THSD7A: variants seen among roughly 807,000 people sequenced by gnomAD.
THSD7A encodes the protein thrombospondin type-1 domain-containing protein 7A.
In THSD7A, 96 loss-of-function variants were observed where a neutral mutation model predicts 231.3. The observed-to-expected ratio is 0.41, with a 90% confidence interval of 0.35 to 0.49. The LOEUF is 0.49. THSD7A is among the 20% of genes least tolerant of loss of function. The pLI, the probability that THSD7A is intolerant of heterozygous loss-of-function variation, is 0.05. For missense variants in THSD7A, 2,290 were observed against 2,070.2 expected, an observed-to-expected ratio of 1.11 and a Z score of -2.06; for synonymous variants, 940 against 743.3, an observed-to-expected ratio of 1.26 and a Z score of -4.30.
At chr7:11,489,129 T>A (rs1007036485) in intron 6 of THSD7A, among the ~76,000 whole-genome samples, 5 of 152,154 alleles carry the variant, frequency 3.3e-5, no homozygotes, top group African/African-American at 9.6e-5. Flanking sequence ...ATTCAGTATC[T>A]TTTAGTCCTT....
rs138319254 is a variant in THSD7A, at chr7:11,820,491, T to C, written c.190+11266A>G. 3.1e-4 allele frequency: 314 copies of C among 1,005,292 alleles called. 1 individual carries two copies. The African/African-American group carries it at 4.5e-3, about 14-fold the overall frequency. The allele number at this position is 1,005,292 out of a possible 1,614,324, so 62.3% of individuals were successfully genotyped here. A position where few individuals can be genotyped will look rare whatever the true frequency, so the allele number is the denominator to read the frequency against. Reference sequence around the variant, plus strand: ...CCGGAGGTCATCATGCAAGTAATACTTCTTGCTTTTGGGTGTGTAATCTAG... The same window carrying C: ...CCGGAGGTCATCATGCAAGTAATACCTCTTGCTTTTGGGTGTGTAATCTAG... On this transcript the variant is annotated intron_variant, in intron 1 of 27. Coordinates refer to ENST00000423059, the MANE Select transcript of THSD7A (RefSeq NM_015204.3).
chr7:11,762,047 C>T (rs1276625392), intron 1 of THSD7A, among the ~76,000 whole-genome samples: 1 of 152,136 alleles, frequency 6.6e-6, no homozygotes, highest in Non-Finnish European at 1.5e-5. Flanking sequence ...ATGATGGCCT[C>T]CAGTTTCAAT....
Position 11,812,140 on chromosome 7 carries a change from T to TGTGTGTGA in THSD7A, c.190+19616_190+19617insTCACACAC, listed in dbSNP as rs377112108. 6.7e-3 allele frequency among the ~76,000 whole-genome samples: 980 copies of TGTGTGTGA among 146,994 alleles called. 30 individuals carry two copies. Among genetic ancestry groups the TGTGTGTGA allele is most frequent in the African/African-American group, 0.019 (731 of 38,310 alleles). On this transcript the variant is annotated intron_variant, in intron 1 of 27. Transcript: ENST00000423059. Reference sequence around the variant, plus strand: ...GTGTGTGTGTGTGTGTGTGTGTGTGTGGGAGACAGAGAGAGAGATATGGGG... The same window carrying TGTGTGTGA: ...GTGTGTGTGTGTGTGTGTGTGTGTGTGTGTGTGAGGGAGACAGAGAGAGAGATATGGGG...
chr7:11,382,924 T>TTATATATATATA lies in THSD7A; in HGVS notation c.4412-320_4412-309dup. ...AGAGAATAACTGTATATATATATAGTTATATATATATATATATCTCCCATC... is the reference window on the plus strand; with the variant it reads ...AGAGAATAACTGTATATATATATAGTTATATATATATATATATATATATATATATCTCCCATC... On this transcript the variant is annotated intron_variant, in intron 23 of 27. Transcript: ENST00000423059. Among the ~76,000 whole-genome samples, 2 of 147,460 alleles carry TTATATATATATA rather than the reference T, an allele frequency of 1.4e-5. 1 individual carries two copies. The highest frequency in any genetic ancestry group is 5.0e-5 in the African/African-American group (2 of 40,386).
chr7:11,541,813 G>C (rs1789161983), intron 5 of THSD7A, among the ~76,000 whole-genome samples, 182 bp from the exon 6 acceptor site: 1 of 152,168 alleles, frequency 6.6e-6, no homozygotes, highest in Non-Finnish European at 1.5e-5. Context: ...CATTAAATGA[G>C]TGAGTGGATT....
Position 11,593,507 on chromosome 7 carries a change from A to G in THSD7A, c.1023-5T>C, listed in dbSNP as rs1357103271. 3.1e-6 allele frequency: 5 copies of G among 1,613,432 alleles called. No individual in the cohort carries two copies. In the African/African-American group the frequency reaches 6.7e-5, roughly 22 times the overall value. ...AGCTTCTCTTGCTGGCAAAAGCTGT[A>G]AAAGAGCATTGATATTCTCATTACA... On this transcript the variant is annotated splice_region_variant and splice_polypyrimidine_tract_variant and intron_variant, in intron 2 of 27. Transcript: ENST00000423059.
At chr7:11,540,418 T>C (rs912913755) in intron 6 of THSD7A, among the ~76,000 whole-genome samples, 2 of 152,196 alleles carry the variant, frequency 1.3e-5, no homozygotes, top group African/African-American at 4.8e-5. Context: ...TTCTGCTTAC[T>C]GGAAGAAAAT....
At chr7:11,401,723 T>G in intron 23 of THSD7A, 72 bp downstream of exon 23, 1 of 1,450,292 alleles carries the variant, frequency 6.9e-7, no homozygotes, top group African/African-American at 1.4e-5. Flanking sequence ...ACTTTGTTTA[T>G]TTTTAACAGA....
In THSD7A at chr7:11,541,405, T is replaced by C. The variant is rs1789140278; in HGVS notation, c.1822+14A>G. 6.2e-7 allele frequency: 1 copy of C among 1,613,080 alleles called. No individual in the cohort carries two copies. Among genetic ancestry groups the C allele is most frequent in the Non-Finnish European group, 8.5e-7 (1 of 1,179,152 alleles). Reference sequence around the variant, plus strand: ...TGGACATCCATAAAAACATAATAGATACGTCTGTCTTACCATCACTGTTGA... The same window carrying C: ...TGGACATCCATAAAAACATAATAGACACGTCTGTCTTACCATCACTGTTGA... On this transcript the variant is annotated intron_variant, in intron 6 of 27. Coordinates refer to ENST00000423059, the MANE Select transcript of THSD7A (RefSeq NM_015204.3).
At chr7:11,627,983 C>T (rs755161391) in intron 2 of THSD7A, among the ~76,000 whole-genome samples, 1 of 151,864 alleles carries the variant, frequency 6.6e-6, no homozygotes, top group Non-Finnish European at 1.5e-5. Context: ...GAATAATTTG[C>T]CTTACAATCC....
chr7:11,469,798 A>C, intron 9 of THSD7A, 81 bp downstream of exon 9: 2 of 938,814 alleles, frequency 2.1e-6, no homozygotes, highest in South Asian at 3.0e-5. Flanking sequence ...AAACTCACAA[A>C]CATTGCTAGG....
chr7:11,375,765 A>T lies in THSD7A; in HGVS notation c.*29T>A. 1 of 1,602,038 alleles carries T rather than the reference A, an allele frequency of 6.2e-7. No homozygotes were observed. The highest frequency in any genetic ancestry group is 8.5e-7 in the Non-Finnish European group (1 of 1,170,550). On this transcript the variant is annotated 3_prime_UTR_variant, in exon 28 of 28. Transcript: ENST00000423059. ...GACATCTATGAAGTCAGAAAGCCGA[A>T]ACTGGTTGTTGCCAGGAAAAGTTAT... is the stretch of plus-strand genomic sequence containing the variant.
intron 4 of THSD7A, among the ~76,000 whole-genome samples, chr7:11,578,167 A>G (rs1791002209): frequency 6.6e-6 from 1 of 152,184 alleles, no homozygotes; most frequent in Non-Finnish European, 1.5e-5. Context: ...TTGGAGCGAA[A>G]CTGTTATTTA....
chr7:11,678,465 A>C (rs1422580160), intron 1 of THSD7A, among the ~76,000 whole-genome samples: 2 of 152,184 alleles, frequency 1.3e-5, no homozygotes, highest in Non-Finnish European at 2.9e-5. Flanking sequence ...GAAATAAAGA[A>C]GAAAAGAGAG....
At chr7:11,432,854 T>C (rs1784521141) in intron 13 of THSD7A, among the ~76,000 whole-genome samples, 1 of 151,994 alleles carries the variant, frequency 6.6e-6, no homozygotes, top group African/African-American at 2.4e-5. Context: ...ATAAATTGGA[T>C]GGTATGTATA....
At chr7:11,409,456 T>C (rs542543116) in intron 19 of THSD7A, among the ~76,000 whole-genome samples, 1 of 152,354 alleles carries the variant, frequency 6.6e-6, no homozygotes, top group South Asian at 2.1e-4. Context: ...CTTAAAGTCA[T>C]CTAGGCTCCC....
chr7:11,506,628 C>T (rs1487176073), intron 6 of THSD7A, among the ~76,000 whole-genome samples: 3 of 151,618 alleles, frequency 2.0e-5, no homozygotes, highest in Non-Finnish European at 4.4e-5. Flanking sequence ...TGCTTCTTGG[C>T]TCCCTCTACT....
chr7:11,713,323 A>G (rs1247310557), intron 1 of THSD7A, among the ~76,000 whole-genome samples: 1 of 151,310 alleles, frequency 6.6e-6, no homozygotes, highest in Admixed American at 6.6e-5. Flanking sequence ...GTTTATGTTT[A>G]TGATCTTTTC....
intron 17 of THSD7A, 23 bp from the exon 18 acceptor site, chr7:11,412,823 C>T: frequency 1.9e-6 from 3 of 1,600,470 alleles, no homozygotes; most frequent in African/African-American, 1.3e-5. Context: ...AGTACAAATT[C>T]TCAGAAAGGT....
Sources: allele counts gnomAD v4.1 joint callset (sites outside exome capture counted in the v4.1 genomes callset), GRCh38; gene constraint gnomAD v4.1.1; transcripts MANE v1.5; gene names NCBI Gene and HGNC (gene_info 2026-07-23, HGNC 2026-07-21).